SLC9A9: variants seen among roughly 807,000 people sequenced by gnomAD.
SLC9A9 encodes the protein sodium/hydrogen exchanger 9.
In SLC9A9, 62 loss-of-function variants were observed where a neutral mutation model predicts 77.8. That is an observed-to-expected ratio of 0.80 (90% confidence interval 0.65 to 0.98). The LOEUF is 0.98. SLC9A9 is among the 50% of genes least tolerant of loss of function. The pLI is 0.00. For synonymous variants in SLC9A9, 320 were observed against 283.5 expected, an observed-to-expected ratio of 1.13 and a Z score of -1.29; for missense variants, 775 against 774.9, an observed-to-expected ratio of 1.00 and a Z score of 0.00.
intron 14 of SLC9A9, among the ~76,000 whole-genome samples, chr3:143,306,625 T>C (rs1372580814): frequency 5.9e-5 from 9 of 152,124 alleles, no homozygotes; most frequent in African/African-American, 2.2e-4. Context: ...TAAATGCCTG[T>C]TAAACAAATA....
intron 12 of SLC9A9, among the ~76,000 whole-genome samples, chr3:143,465,971 A>G (rs2035273943): frequency 6.6e-6 from 1 of 152,194 alleles, no homozygotes; most frequent in African/African-American, 2.4e-5. Context: ...TGGTTTGAGC[A>G]TAAGGTTTCT....
At chr3:143,693,432 CAAATGACAGCCGTGCT>C (rs1407910423) in intron 4 of SLC9A9, 125 bp from the exon 5 acceptor site, 1 of 758,386 alleles carries the variant, frequency 1.3e-6, no homozygotes, top group East Asian at 2.7e-5. Flanking sequence ...ACCATCCTGC[CAAATGACAGCCGTGCT>C]AGGTCTCTGT....
At chr3:143,559,301 T>C (rs1227722407) in intron 8 of SLC9A9, among the ~76,000 whole-genome samples, 1 of 152,230 alleles carries the variant, frequency 6.6e-6, no homozygotes, top group Admixed American at 6.5e-5. Context: ...TAATGAGGCA[T>C]AGCCCAGACT....
At chr3:143,658,467 T>A (rs1199896921) in intron 5 of SLC9A9, among the ~76,000 whole-genome samples, 3 of 152,252 alleles carry the variant, frequency 2.0e-5, no homozygotes, top group East Asian at 1.9e-4. Flanking sequence ...TCTTTTGGTA[T>A]ACATGTAGGG....
intron 12 of SLC9A9, among the ~76,000 whole-genome samples, chr3:143,427,100 T>C (rs1277967754): frequency 6.6e-6 from 1 of 152,244 alleles, no homozygotes; most frequent in East Asian, 1.9e-4. Context: ...AAAAAGCAAC[T>C]ACTTTGTATG....
chr3:143,638,903 G>C lies in SLC9A9; in HGVS notation c.755+13352C>G, dbSNP rs530678237. Among the ~76,000 whole-genome samples, 3 of 152,318 alleles carry C rather than the reference G, an allele frequency of 2.0e-5. No homozygotes were observed. In the South Asian group the frequency reaches 6.2e-4, roughly 32 times the overall value. The stretch of plus-strand genomic sequence containing the variant: ...TCATTACAAAGCTCAAGTAATATGA[G>C]CAGATTATATTCTCCAGGCCAAGAG... On this transcript the variant is annotated intron_variant, in intron 6 of 15. Transcript: ENST00000316549.
At chr3:143,703,338 A>G (rs1933861391) in intron 4 of SLC9A9, among the ~76,000 whole-genome samples, 1 of 152,120 alleles carries the variant, frequency 6.6e-6, no homozygotes, top group Admixed American at 6.6e-5. Context: ...ATCTTAAAAC[A>G]TTAAAAAAAT....
intron 4 of SLC9A9, among the ~76,000 whole-genome samples, chr3:143,701,499 A>G (rs1933800466): frequency 1.3e-5 from 2 of 152,222 alleles, no homozygotes; most frequent in African/African-American, 4.8e-5. Context: ...TCTGGAGTTG[A>G]AAAATGCAAT....
chr3:143,506,077 C>T (rs2036011837), intron 9 of SLC9A9, among the ~76,000 whole-genome samples: 1 of 152,174 alleles, frequency 6.6e-6, no homozygotes, highest in Non-Finnish European at 1.5e-5. Flanking sequence ...AATAGCTTCT[C>T]ATGTTGGCAC....
At chr3:143,790,908 A>G (rs765680359) in intron 4 of SLC9A9, among the ~76,000 whole-genome samples, 14 of 152,222 alleles carry the variant, frequency 9.2e-5, no homozygotes, top group Non-Finnish European at 1.9e-4. Context: ...CTAAGAGCAT[A>G]TAATTTTTGT....
intron 4 of SLC9A9, among the ~76,000 whole-genome samples, chr3:143,775,396 A>T (rs947911460): frequency 1.3e-5 from 2 of 152,222 alleles, no homozygotes; most frequent in African/African-American, 2.4e-5. Context: ...TTAAGAGGTT[A>T]CATTAGTTAA....
intron 14 of SLC9A9, among the ~76,000 whole-genome samples, chr3:143,308,491 G>A (rs1261717889): frequency 6.6e-6 from 1 of 151,936 alleles, no homozygotes; most frequent in Non-Finnish European, 1.5e-5. Flanking sequence ...CAGGAGAATG[G>A]CATGAACCCA....
chr3:143,481,157 G>T (rs1266863600), intron 11 of SLC9A9, among the ~76,000 whole-genome samples: 1 of 152,072 alleles, frequency 6.6e-6, no homozygotes, highest in Admixed American at 6.6e-5. Context: ...AAGCATTTTG[G>T]ATTCACTAAG....
chr3:143,446,178 G>A (rs1340513273), intron 12 of SLC9A9, among the ~76,000 whole-genome samples: 3 of 152,050 alleles, frequency 2.0e-5, no homozygotes, highest in African/African-American at 4.8e-5. Flanking sequence ...AAATATTGGA[G>A]TAATGTCTTC....
intron 12 of SLC9A9, among the ~76,000 whole-genome samples, chr3:143,427,593 T>C (rs769212031): frequency 6.6e-6 from 1 of 152,160 alleles, no homozygotes; most frequent in Non-Finnish European, 1.5e-5. Context: ...ATGTGGGGCA[T>C]ATAGAAAATG....
chr3:143,708,999 G>A (rs183904944), intron 4 of SLC9A9, among the ~76,000 whole-genome samples: 8 of 152,328 alleles, frequency 5.3e-5, no homozygotes, highest in African/African-American at 1.9e-4. Context: ...CTATCCTGAT[G>A]AGCAGATAGG....
chr3:143,743,245 A>ATGGATGGATG (rs1560059080), intron 4 of SLC9A9, among the ~76,000 whole-genome samples: 33 of 62,598 alleles, frequency 5.3e-4, no homozygotes, highest in African/African-American at 1.6e-3. Context: ...ATGGATGGAT[A>ATGGATGGATG]GATAGATAGA....
At chr3:143,508,002 C>T (rs1245573137) in intron 9 of SLC9A9, among the ~76,000 whole-genome samples, 1 of 152,162 alleles carries the variant, frequency 6.6e-6, no homozygotes, top group Non-Finnish European at 1.5e-5. Context: ...ACTCCAAATA[C>T]CATTAAATTG....
intron 5 of SLC9A9, among the ~76,000 whole-genome samples, chr3:143,660,955 G>GT (rs1049771170): frequency 5.3e-5 from 8 of 152,298 alleles, no homozygotes; most frequent in African/African-American, 1.7e-4. Flanking sequence ...TTTTCCATGT[G>GT]TGTCCCTCTT....
Sources: gnomAD v4.1 joint callset for allele counts (sites outside exome capture counted in the v4.1 genomes callset) on GRCh38, gnomAD v4.1.1 for gene constraint, MANE v1.5 for transcripts, NCBI Gene and HGNC (gene_info 2026-07-23, HGNC 2026-07-21) for gene names.